LINGO2: variants seen among roughly 807,000 people sequenced by gnomAD.
LINGO2 encodes the protein leucine-rich repeat and immunoglobulin-like domain-containing nogo receptor-interacting protein 2.
In LINGO2, 14 loss-of-function variants were observed where a neutral mutation model predicts 30.6. That is an observed-to-expected ratio of 0.46 (90% CI 0.30 to 0.72). The LOEUF is 0.72. LINGO2 is among the 30% of genes least tolerant of loss of function. LINGO2 has a pLI of 0.07. For missense variants in LINGO2, 729 were observed against 751.7 expected (o/e 0.97, Z 0.35); for synonymous variants, 317 against 288.5 (o/e 1.10, Z -1.00).
chr9:28,992,845 TCTGGGACACATTCAAAGC>T, the LINGO2 span, among the ~76,000 whole-genome samples: 1 of 151,700 alleles, frequency 6.6e-6, no homozygotes, highest in Non-Finnish European at 1.5e-5. Context: ...TACCAGAATC[TCTGGGACACATTCAAAGC>T]AGTGTGTAGA....
chr9:28,286,488 T>C (rs1440754760), intron 4 of LINGO2, among the ~76,000 whole-genome samples: 2 of 152,232 alleles, frequency 1.3e-5, no homozygotes, highest in Non-Finnish European at 2.9e-5. Flanking sequence ...TAAATCATTC[T>C]ATTATAAAGA....
the LINGO2 span, among the ~76,000 whole-genome samples, chr9:29,054,884 G>A: frequency 2.3e-4 from 35 of 152,132 alleles, no homozygotes; most frequent in African/African-American, 7.9e-4. Context: ...TGGATATATT[G>A]AGTATTAAAC....
chr9:28,318,348 T>C (rs1824919058), intron 3 of LINGO2, among the ~76,000 whole-genome samples: 1 of 152,242 alleles, frequency 6.6e-6, no homozygotes, highest in South Asian at 2.1e-4. Flanking sequence ...ATATCATTGA[T>C]TTATTCATAA....
chr9:28,527,309 A>T (rs535165031), intron 1 of LINGO2, among the ~76,000 whole-genome samples: 105 of 152,306 alleles, frequency 6.9e-4, no homozygotes, highest in African/African-American at 2.4e-3. Context: ...GTCTGTAGTC[A>T]TAAACATCTC....
At chr9:28,189,185 G>A (rs936769147) in intron 4 of LINGO2, among the ~76,000 whole-genome samples, 1 of 149,950 alleles carries the variant, frequency 6.7e-6, no homozygotes, top group Non-Finnish European at 1.5e-5. Flanking sequence ...AAGATAGCCA[G>A]AGCAGTGATC....
chr9:28,832,411 A>G, the LINGO2 span, among the ~76,000 whole-genome samples: 1 of 152,196 alleles, frequency 6.6e-6, no homozygotes, highest in Non-Finnish European at 1.5e-5. Context: ...ATGATGTTAT[A>G]TGGGACTAAC....
chr9:29,135,629 CT>C, the LINGO2 span, among the ~76,000 whole-genome samples: 3 of 151,258 alleles, frequency 2.0e-5, no homozygotes, highest in Non-Finnish European at 4.4e-5. Flanking sequence ...AGACATTTAA[CT>C]TCTTTTAAAA....
chr9:28,697,323 A>G, the LINGO2 span, among the ~76,000 whole-genome samples: 1 of 151,896 alleles, frequency 6.6e-6, no homozygotes, highest in African/African-American at 2.4e-5. Context: ...TGGCCAGCAA[A>G]TCTTCTGGAT....
the LINGO2 span, among the ~76,000 whole-genome samples, chr9:29,045,730 G>C: frequency 1.3e-5 from 2 of 152,074 alleles, no homozygotes; most frequent in Admixed American, 6.6e-5. Context: ...CAATTGCTTA[G>C]GGCAGTAAAA....
chr9:28,043,920 A>C (rs1824304176), intron 4 of LINGO2, among the ~76,000 whole-genome samples: 1 of 152,232 alleles, frequency 6.6e-6, no homozygotes, highest in Non-Finnish European at 1.5e-5. Context: ...TGTTTGAATC[A>C]AGATCAAAAT....
chr9:28,082,062 T>A (rs1478191631), intron 4 of LINGO2, among the ~76,000 whole-genome samples: 2 of 152,208 alleles, frequency 1.3e-5, no homozygotes, highest in African/African-American at 2.4e-5. Context: ...TGATCCTTTA[T>A]GCTTTTGACA....
Position 28,147,971 on chromosome 9 carries a change from C to T in LINGO2, c.-86-135566G>A, listed in dbSNP as rs1291907432. Among the ~76,000 whole-genome samples, 1 of 152,182 alleles carries T rather than the reference C, an allele frequency of 6.6e-6. No homozygotes were observed. Among genetic ancestry groups the T allele is most frequent in the African/African-American group, 2.4e-5 (1 of 41,434 alleles). ...CTTCTGACCCTTGGTTTCGTCTGTG[C>T]ACAACTCACTCAAAATGGGCAACTC... is the stretch of plus-strand genomic sequence containing the variant. On this transcript the variant is annotated intron_variant, in intron 4 of 5. Coordinates refer to ENST00000379992, the Ensembl canonical transcript of LINGO2. The surrounding 1 kb of genome is among the most constrained non-coding windows in gnomAD (Gnocchi z 4.7).
intron 4 of LINGO2, among the ~76,000 whole-genome samples, chr9:28,091,817 T>A (rs1487365850): frequency 6.6e-6 from 1 of 152,106 alleles, no homozygotes; most frequent in Admixed American, 6.5e-5. Context: ...AAAGGGCTAA[T>A]ATCCAGAATC....
At chr9:28,942,659 C>A in the LINGO2 span, among the ~76,000 whole-genome samples, 1 of 152,162 alleles carries the variant, frequency 6.6e-6, no homozygotes, top group African/African-American at 2.4e-5. Flanking sequence ...TGAAACTGAG[C>A]AATTTTCTTA....
chr9:28,434,757 T>G (rs1823854027), intron 2 of LINGO2, among the ~76,000 whole-genome samples: 1 of 152,134 alleles, frequency 6.6e-6, no homozygotes, highest in Non-Finnish European at 1.5e-5. Flanking sequence ...AATCCATAAT[T>G]TGGACTCACT....
chr9:27,979,538 GT>G (rs1257723587), intron 5 of LINGO2, among the ~76,000 whole-genome samples: 1 of 151,792 alleles, frequency 6.6e-6, no homozygotes, highest in African/African-American at 2.4e-5. Flanking sequence ...TAATAAAATA[GT>G]TTTTACATTA....
At chr9:28,084,024 C>A (rs987617676) in intron 4 of LINGO2, among the ~76,000 whole-genome samples, 1 of 152,026 alleles carries the variant, frequency 6.6e-6, no homozygotes, top group African/African-American at 2.4e-5. Context: ...TCCTCCTAGA[C>A]CTTCTTGGAC....
At chr9:28,095,546 T>C (rs557503707) in intron 4 of LINGO2, among the ~76,000 whole-genome samples, 33 of 151,836 alleles carry the variant, frequency 2.2e-4, no homozygotes, top group African/African-American at 7.5e-4. Flanking sequence ...TTACACCTTA[T>C]ACAAAAATTA....
At chr9:28,395,785 A>T (rs1250878766) in intron 2 of LINGO2, among the ~76,000 whole-genome samples, 1 of 152,238 alleles carries the variant, frequency 6.6e-6, no homozygotes, top group African/African-American at 2.4e-5. Flanking sequence ...GGTTCTTTCT[A>T]GCCATAGCTC....
Sources: allele counts gnomAD v4.1 joint callset (sites outside exome capture counted in the v4.1 genomes callset), GRCh38; gene constraint gnomAD v4.1.1; non-coding constraint Gnocchi (gnomAD v3.1); transcripts MANE v1.5; gene names NCBI Gene and HGNC (gene_info 2026-07-23, HGNC 2026-07-21).